Variants in LPP observed in about 807,000 individuals in gnomAD.
The protein encoded by LPP is LIM domain containing preferred translocation partner in lipoma, also known as lipoma-preferred partner.
In LPP, 38 loss-of-function variants were observed where a neutral mutation model predicts 60.4. The ratio of observed to expected loss-of-function variants is 0.63; its 90% CI spans 0.49 to 0.83. The LOEUF is 0.83. LPP is among the 40% of genes least tolerant of loss of function. LPP has a pLI of 0.00. For synonymous variants in LPP, 328 were observed against 290.8 expected (o/e 1.13, Z -1.30); for missense variants, 902 against 783.6 (o/e 1.15, Z -1.80).
intron 4 of LPP, among the ~76,000 whole-genome samples, chr3:188,410,934 T>C (rs1784753600): frequency 1.3e-5 from 2 of 152,166 alleles, no homozygotes; most frequent in South Asian, 4.1e-4. Flanking sequence ...TTCTTATGCC[T>C]TTGCATCCTC....
chr3:188,337,050 C>G (rs1761851595), intron 2 of LPP, among the ~76,000 whole-genome samples: 1 of 152,148 alleles, frequency 6.6e-6, no homozygotes, highest in Admixed American at 6.5e-5. Flanking sequence ...ACTGCTTCAG[C>G]ACTGGCCTGA....
chr3:188,406,537 T>G (rs1783540145), intron 4 of LPP, among the ~76,000 whole-genome samples: 2 of 152,162 alleles, frequency 1.3e-5, no homozygotes, highest in African/African-American at 4.8e-5. Flanking sequence ...CATAATGAAA[T>G]AGGGTTAGAG....
intron 6 of LPP, among the ~76,000 whole-genome samples, chr3:188,601,300 G>A (rs1841120820): frequency 6.6e-6 from 1 of 151,854 alleles, no homozygotes; most frequent in African/African-American, 2.4e-5. Context: ...CTATTAACAC[G>A]GAGCTTCTTG....
intron 4 of LPP, among the ~76,000 whole-genome samples, chr3:188,414,793 G>T (rs542458667): frequency 6.6e-6 from 1 of 152,286 alleles, no homozygotes; most frequent in South Asian, 2.1e-4. Context: ...GAGACTCAGA[G>T]AGGCAGGTGG....
At chr3:188,767,629 T>C (rs550457726) in intron 9 of LPP, among the ~76,000 whole-genome samples, 2 of 152,166 alleles carry the variant, frequency 1.3e-5, no homozygotes, top group African/African-American at 4.8e-5. Context: ...TAGGAAATTG[T>C]AGACAGTTCC....
chr3:188,164,451 A>G (rs1049489322), intron 1 of LPP, among the ~76,000 whole-genome samples: 2 of 152,196 alleles, frequency 1.3e-5, no homozygotes, highest in Non-Finnish European at 2.9e-5. Context: ...TTCCTAGTGA[A>G]TTTCCACTGA....
chr3:188,695,751 A>G (rs1863110558), intron 7 of LPP, among the ~76,000 whole-genome samples: 1 of 152,186 alleles, frequency 6.6e-6, no homozygotes, highest in African/African-American at 2.4e-5. Flanking sequence ...CACAATCAAT[A>G]TTTCTGAAAG....
At chr3:188,866,863 A>G (rs1766764759) in intron 10 of LPP, among the ~76,000 whole-genome samples, 1 of 152,210 alleles carries the variant, frequency 6.6e-6, no homozygotes, top group Non-Finnish European at 1.5e-5. Context: ...TATGGTGGAC[A>G]GACACAGAGA....
chr3:188,353,875 C>T (rs1395963351), intron 3 of LPP, among the ~76,000 whole-genome samples: 1 of 151,890 alleles, frequency 6.6e-6, no homozygotes, highest in Non-Finnish European at 1.5e-5. Flanking sequence ...TAACTTTTAA[C>T]AAATTTAGGC....
Position 188,610,065 on chromosome 3 carries a change from T to C in LPP, c.1113+221T>C, listed in dbSNP as rs1273468093. ...GTATCAAATGGAATTGCTTGCTCAA[T>C]CTCAGAGAATCATCTTCCAAAGCCC... On this transcript the variant is annotated intron_variant, in intron 7 of 11. Transcript: ENST00000617246. The surrounding 1 kb of genome is among the most constrained non-coding windows in gnomAD (Gnocchi z 4.4). Among the ~76,000 whole-genome samples the C allele has an allele frequency of 1.3e-5, 2 of 152,194 alleles. No homozygotes were observed. Among genetic ancestry groups the C allele is most frequent in the Non-Finnish European group, 2.9e-5 (2 of 68,048 alleles).
At chr3:188,441,118 A>G (rs1397197240) in intron 4 of LPP, among the ~76,000 whole-genome samples, 3 of 152,076 alleles carry the variant, frequency 2.0e-5, no homozygotes, top group African/African-American at 4.8e-5. Context: ...TTCAAAATGT[A>G]TTTATACTAT....
intron 5 of LPP, among the ~76,000 whole-genome samples, chr3:188,495,882 A>G (rs1810041975): frequency 6.6e-6 from 1 of 152,144 alleles, no homozygotes; most frequent in African/African-American, 2.4e-5. Flanking sequence ...CTCATATTTT[A>G]TCTCTGAATA....
chr3:188,344,904 C>A (rs1173591122), intron 3 of LPP, among the ~76,000 whole-genome samples: 2 of 152,186 alleles, frequency 1.3e-5, no homozygotes, highest in African/African-American at 4.8e-5. Flanking sequence ...TAAACTTCCC[C>A]CCTATTAAGA....
intron 7 of LPP, among the ~76,000 whole-genome samples, chr3:188,621,186 A>G (rs746237694): frequency 4.0e-5 from 6 of 149,026 alleles, no homozygotes; most frequent in Non-Finnish European, 8.9e-5. Flanking sequence ...CTGTGCTTTT[A>G]TAAATGTTCT....
intron 9 of LPP, among the ~76,000 whole-genome samples, chr3:188,861,573 ATTCT>A (rs1414591521): frequency 1.3e-5 from 2 of 152,098 alleles, no homozygotes; most frequent in African/African-American, 4.8e-5. Flanking sequence ...TAATATTCTT[ATTCT>A]TTATCATCTC....
chr3:188,462,547 T>TATATATAA lies in LPP; in HGVS notation c.194-22038_194-22037insAATATATA, dbSNP rs1483831583. Among the ~76,000 whole-genome samples the TATATATAA allele has an allele frequency of 2.7e-3, 32 of 11,778 alleles. 2 individuals are homozygous for TATATATAA. Among genetic ancestry groups the TATATATAA allele is most frequent in the Non-Finnish European group, 5.6e-3 (27 of 4,796 alleles). 7.7% of individuals were successfully genotyped at this position (11,778 alleles called of 152,430 possible). A position where few individuals can be genotyped will look rare whatever the true frequency, so the allele number is the denominator to read the frequency against. ...ATTTAGCCAATTTATATGAGCTTTA[T>TATATATAA]ATATATATATATATATATATATATA... is the stretch of plus-strand genomic sequence containing the variant. On this transcript the variant is annotated intron_variant, in intron 4 of 11. Coordinates refer to ENST00000617246, the MANE Select transcript of LPP (RefSeq NM_001375462.1).
At chr3:188,243,561 T>C (rs565012307) in intron 2 of LPP, among the ~76,000 whole-genome samples, 4 of 152,312 alleles carry the variant, frequency 2.6e-5, no homozygotes, top group African/African-American at 9.6e-5. Context: ...TAAAATCTCG[T>C]GATCTGTTTC....
At chr3:188,252,033 TATA>T (rs1729830307) in intron 2 of LPP, among the ~76,000 whole-genome samples, 1 of 9,350 alleles carries the variant, frequency 1.1e-4, no homozygotes, top group African/African-American at 3.1e-4. Context: ...TTAATCCTGA[TATA>T]TATATATATA....
intron 9 of LPP, among the ~76,000 whole-genome samples, chr3:188,814,943 C>T (rs1038776068): frequency 6.6e-6 from 1 of 152,208 alleles, no homozygotes; most frequent in African/African-American, 2.4e-5. Context: ...AGTGAATGCT[C>T]TTATCCGTAA....
Sources: allele counts gnomAD v4.1 joint callset (sites outside exome capture counted in the v4.1 genomes callset), GRCh38; gene constraint gnomAD v4.1.1; non-coding constraint Gnocchi (gnomAD v3.1); transcripts MANE v1.5; gene names NCBI Gene and HGNC (gene_info 2026-07-23, HGNC 2026-07-21).